Variants in IQANK1 observed in about 807,000 individuals in gnomAD.
IQANK1 encodes IQ motif and ankyrin repeat domain-containing protein 1.
Under a neutral mutation model 22.6 loss-of-function variants are expected in IQANK1, and 30 were observed. That is an observed-to-expected ratio of 1.33 (90% CI 0.99 to 1.80). The LOEUF (loss-of-function observed/expected upper bound fraction) is 1.80, where lower values mean the gene tolerates loss of function less well. IQANK1 is among the 40% of genes most tolerant of loss of function. The pLI is 0.00. For missense variants in IQANK1, 275 were observed against 235.2 expected, an observed-to-expected ratio of 1.17 and a Z score of -1.11; for synonymous variants, 122 against 99.6, an observed-to-expected ratio of 1.23 and a Z score of -1.34.
Position 143,789,200 on chromosome 8 carries a change from A to G in IQANK1, c.950A>G (p.Lys317Arg). 2.5e-6 allele frequency: 1 copy of G among 399,458 alleles called. No individual in the cohort carries two copies. Among genetic ancestry groups the G allele is most frequent in the Non-Finnish European group, 4.4e-6 (1 of 226,402 alleles). 24.7% of individuals were successfully genotyped at this position (399,458 alleles called of 1,614,324 possible). Residue 317 changes from lysine (K) to arginine (R), a missense_variant, in exon 9 of 14, where the codon AAG becomes AGG. Lys to Arg is a conservative substitution (Grantham distance 26, BLOSUM62 2). Coordinates refer to ENST00000527139, the MANE Select transcript of IQANK1 (RefSeq NM_001381874.1). ...TTCCTGCTCCTTAGTATGACCCTCA[A>G]GGTCCAACAGCTGACCAGGGAGCAG... ...EAERCGSMTL[K>R]VQQLTREQQQ...
intron 3 of IQANK1, among the ~76,000 whole-genome samples, chr8:143,751,658 G>GTATATATATATATATATATATATATT (rs1325258601): frequency 2.6e-5 from 1 of 38,820 alleles, no homozygotes; most frequent in African/African-American, 4.9e-5. Flanking sequence ...GTGTGTGTGT[G>GTATATATATATATATATATATATATT]TGTGTGTATA....
intron 7 of IQANK1, among the ~76,000 whole-genome samples, chr8:143,782,151 G>C (rs925210344): frequency 6.6e-6 from 1 of 152,180 alleles, no homozygotes; most frequent in Non-Finnish European, 1.5e-5. Context: ...AGTGATTTTT[G>C]TACATTTATT....
rs1587498500 is a variant in IQANK1 at position 143,789,525 on chromosome 8, G to C, written c.1083G>C (p.Leu361=). 1.6e-6 allele frequency: 2 copies of C among 1,232,296 alleles called. No homozygotes were observed. The highest frequency in any genetic ancestry group is 2.0e-6 in the Non-Finnish European group (2 of 988,194). The allele number at this position is 1,232,296 out of a possible 1,614,324, so 76.3% of individuals were successfully genotyped here. ...GCATGGACAAGACCAAGCTCACGCT[G>C]CAGGTGGGGGCCCGTGGTGGACTTG... ...WRCMDKTKLT[L]QAIKDTEAQV... The change falls in exon 10 of 14, where the codon CTG becomes CTC. Residue 361 remains leucine (L), a synonymous_variant. Coordinates refer to ENST00000527139, the MANE Select transcript of IQANK1 (RefSeq NM_001381874.1).
At chr8:143,787,666 C>T (rs965684508) in intron 7 of IQANK1, among the ~76,000 whole-genome samples, 54 of 152,214 alleles carry the variant, frequency 3.5e-4, no homozygotes, top group African/African-American at 1.3e-3. Flanking sequence ...CCTGCCCCCG[C>T]TCTTTCCCCT....
chr8:143,777,143 TACAC>T, intron 7 of IQANK1, among the ~76,000 whole-genome samples: 1 of 148,804 alleles, frequency 6.7e-6, no homozygotes, highest in East Asian at 2.0e-4. Flanking sequence ...CACATATATA[TACAC>T]ACACATATAT....
At chr8:143,780,241 C>T (rs1344277501) in intron 7 of IQANK1, among the ~76,000 whole-genome samples, 1 of 152,096 alleles carries the variant, frequency 6.6e-6, no homozygotes, top group African/African-American at 2.4e-5. Context: ...CTCAACAAAC[C>T]TGATTGTAGT....
intron 3 of IQANK1, among the ~76,000 whole-genome samples, chr8:143,761,340 C>G (rs1316361644): frequency 1.1e-4 from 16 of 152,350 alleles, no homozygotes; most frequent in African/African-American, 3.6e-4. Context: ...CGGGAAGCTG[C>G]GCGCGGACGC....
intron 7 of IQANK1, among the ~76,000 whole-genome samples, chr8:143,785,488 T>C (rs1819869072): frequency 6.6e-6 from 1 of 152,090 alleles, no homozygotes; most frequent in Non-Finnish European, 1.5e-5. Context: ...ACTCCTGACC[T>C]CAAGTAATTT....
intron 3 of IQANK1, among the ~76,000 whole-genome samples, chr8:143,740,885 G>A (rs1344043485): frequency 1.3e-5 from 2 of 152,370 alleles, no homozygotes; most frequent in East Asian, 1.9e-4. Flanking sequence ...GAGCACCTCC[G>A]CGGAAGGCCC....
chr8:143,782,480 C>T (rs1819813882), intron 7 of IQANK1, among the ~76,000 whole-genome samples: 1 of 151,696 alleles, frequency 6.6e-6, no homozygotes, highest in African/African-American at 2.4e-5. Context: ...TTCTTTTTTT[C>T]TTTTTCTTTT....
intron 3 of IQANK1, chr8:143,744,984 C>T (rs1207894122): frequency 3.3e-5 from 5 of 152,262 alleles, no homozygotes; most frequent in African/African-American, 1.2e-4. Context: ...CGGCTACACA[C>T]CATGTTCCCG....
intron 7 of IQANK1, among the ~76,000 whole-genome samples, chr8:143,783,932 A>G (rs1016218527): frequency 3.4e-4 from 51 of 152,204 alleles, no homozygotes; most frequent in African/African-American, 1.2e-3. Context: ...CCATAGGTCT[A>G]TTGATCTATC....
intron 3 of IQANK1, among the ~76,000 whole-genome samples, chr8:143,740,705 AG>A (rs1405754585): frequency 3.3e-5 from 5 of 152,146 alleles, no homozygotes; most frequent in Admixed American, 3.3e-4. Context: ...CTCCAGATGC[AG>A]GCCTGGCACC....
intron 3 of IQANK1, among the ~76,000 whole-genome samples, chr8:143,754,691 T>C (rs950225767): frequency 3.3e-5 from 5 of 152,082 alleles, no homozygotes; most frequent in African/African-American, 7.2e-5. Context: ...AGTGGCCTGA[T>C]CTCAGCTCAC....
At chr8:143,773,461 G>A (rs1819625651) in intron 7 of IQANK1, among the ~76,000 whole-genome samples, 1 of 152,030 alleles carries the variant, frequency 6.6e-6, no homozygotes, top group Non-Finnish European at 1.5e-5. Flanking sequence ...CACGAACCTC[G>A]CCTACCTTAG....
chr8:143,759,592 C>T (rs1554628740), intron 3 of IQANK1: 1 of 152,238 alleles, frequency 6.6e-6, no homozygotes, highest in African/African-American at 2.4e-5. Context: ...GAAAATATGT[C>T]ACATCAGTAG....
intron 3 of IQANK1, chr8:143,745,545 C>T (rs1250337793): frequency 1.3e-5 from 2 of 152,348 alleles, no homozygotes; most frequent in Non-Finnish European, 2.9e-5. Flanking sequence ...GCCTCAGCCT[C>T]CCAGGTAGCT....
chr8:143,756,516 G>A (rs1265633142), intron 3 of IQANK1, among the ~76,000 whole-genome samples: 1 of 152,038 alleles, frequency 6.6e-6, no homozygotes, highest in Non-Finnish European at 1.5e-5. Context: ...TTCATTCATG[G>A]TACTCGGTGT....
chr8:143,773,326 C>CCAAAAAAAA (rs1344107617), intron 7 of IQANK1, among the ~76,000 whole-genome samples: 1,258 of 121,620 alleles, frequency 0.01, 20 homozygotes, highest in African/African-American at 0.045. Flanking sequence ...ACAAAAAAAA[C>CCAAAAAAAA]ACAAAAAAAA....
Sources: allele counts gnomAD v4.1 joint callset (sites outside exome capture counted in the v4.1 genomes callset), GRCh38; gene constraint gnomAD v4.1.1; transcripts MANE v1.5; gene names NCBI Gene and HGNC (gene_info 2026-07-23, HGNC 2026-07-21).